Variants in SATB2 observed in about 807,000 individuals in gnomAD.
SATB2 encodes the protein DNA-binding protein SATB2.
SATB2 carries 1 observed loss-of-function variant against 73.4 expected under a neutral mutation model. The ratio of observed to expected loss-of-function variants is 0.01; its 90% CI spans 0.00 to 0.06. SATB2 has a LOEUF of 0.06. SATB2 is among the 10% of genes least tolerant of loss of function. The pLI is 1.00. For synonymous variants in SATB2, 397 were observed against 367.0 expected (o/e 1.08, Z -0.93); for missense variants, 459 against 945.8 (o/e 0.49, Z 6.75).
chr2:199,342,815 AT>A (rs1049106666), intron 7 of SATB2, among the ~76,000 whole-genome samples: 5 of 152,202 alleles, frequency 3.3e-5, no homozygotes, highest in African/African-American at 9.6e-5. Context: ...AAACAAATAC[AT>A]TTTATATTCT....
At chr2:199,409,165 T>C (rs2105900927) in intron 3 of SATB2, among the ~76,000 whole-genome samples, 1 of 139,866 alleles carries the variant, frequency 7.1e-6, no homozygotes, top group Non-Finnish European at 1.6e-5. Flanking sequence ...CTTTTTTCTT[T>C]TCTTTTTTTT....
At position 199,455,759 on chromosome 2, in the gene SATB2, T is replaced by TC. The variant is rs1465583605; in HGVS notation, c.169+109dup. On this transcript the variant is annotated intron_variant, in intron 2 of 10. Transcript: ENST00000417098. The surrounding 1 kb of genome is among the most constrained non-coding windows in gnomAD (Gnocchi z 4.1). The stretch of plus-strand genomic sequence containing the variant: ...GGGGCATTATTTGGCAACCTGGAAT[T>TC]CACTTCCTGTAATCCTACACCGCGA... The TC allele has an allele frequency of 2.4e-6, 3 of 1,255,028 alleles. No individual in the cohort carries two copies. The African/African-American group carries it at 4.5e-5, about 19-fold the overall frequency. 77.7% of individuals were successfully genotyped at this position (1,255,028 alleles called of 1,614,324 possible).
At chr2:199,286,556 C>T (rs181637197) in intron 10 of SATB2, among the ~76,000 whole-genome samples, 12 of 152,268 alleles carry the variant, frequency 7.9e-5, no homozygotes, top group Non-Finnish European at 1.3e-4. Flanking sequence ...CGGGCTATGA[C>T]CATGTGTCCT....
intron 2 of SATB2, among the ~76,000 whole-genome samples, chr2:199,453,024 T>G (rs1692174605): frequency 6.6e-6 from 1 of 152,078 alleles, no homozygotes; most frequent in South Asian, 2.1e-4. Flanking sequence ...TACCCTCTCT[T>G]CTATTTAAAT....
chr2:199,438,844 A>C (rs188777813), intron 2 of SATB2, among the ~76,000 whole-genome samples: 1 of 152,368 alleles, frequency 6.6e-6, no homozygotes, highest in East Asian at 1.9e-4. Context: ...CAGTTAATAA[A>C]TTAGGAAACT....
upstream of SATB2, chr2:199,458,738 G>A (rs1220029208): frequency 7.1e-6 from 3 of 425,342 alleles, no homozygotes; most frequent in African/African-American, 2.2e-5. Flanking sequence ...GAGATAGGAG[G>A]GCGATCGCCT....
intron 7 of SATB2, chr2:199,347,666 G>A (rs777264998): frequency 1.3e-5 from 2 of 152,030 alleles, no homozygotes; most frequent in Non-Finnish European, 1.5e-5. Context: ...TCATTCTCCT[G>A]GAAGTATTCC....
chr2:199,308,752 A>T lies in SATB2; in HGVS notation c.1740+8T>A. The T allele has an allele frequency of 6.2e-7, 1 of 1,613,244 alleles. No homozygotes were observed. Among genetic ancestry groups the T allele is most frequent in the South Asian group, 1.1e-5 (1 of 91,058 alleles). On this transcript the variant is annotated splice_region_variant and intron_variant, in intron 10 of 10. Transcript: ENST00000417098. The surrounding 1 kb of genome is among the most constrained non-coding windows in gnomAD (Gnocchi z 4.6). ...ATCAGGTGGGGTACGGCGGTCGGGG[A>T]CACTGACCTGCACCGGCTCAGGGGG...
chr2:199,451,014 C>G (rs560268452), intron 2 of SATB2, among the ~76,000 whole-genome samples: 2 of 151,824 alleles, frequency 1.3e-5, no homozygotes, highest in East Asian at 3.9e-4. Flanking sequence ...GGTTACAACC[C>G]TCTGGGAAAG....
Position 199,272,721 on chromosome 2 carries a change from T to C in SATB2, c.1741-49A>G. On this transcript the variant is annotated intron_variant, in intron 10 of 10. Transcript: ENST00000417098. The surrounding 1 kb of genome is among the most constrained non-coding windows in gnomAD (Gnocchi z 6.7). ...TGAACACTGGACTCATGATTTTACC[T>C]TTCCAAAACCATCAGCCCTCTGAAA... 1 of 1,529,484 alleles carries C rather than the reference T, an allele frequency of 6.5e-7. No homozygotes were observed. Among genetic ancestry groups the C allele is most frequent in the Non-Finnish European group, 9.1e-7 (1 of 1,103,246 alleles). 94.7% of individuals were successfully genotyped at this position (1,529,484 alleles called of 1,614,324 possible). A position where few individuals can be genotyped will look rare whatever the true frequency, so the allele number is the denominator to read the frequency against.
In SATB2 at chr2:199,308,583, CACACAT is replaced by C. The variant is rs1001537911; in HGVS notation, c.1740+171_1740+176del. ...ACACACGCACGCACATGCACACACA[CACACAT>C]ACACATACACACAGTACCCACTGTG... is the stretch of plus-strand genomic sequence containing the variant. On this transcript the variant is annotated intron_variant, in intron 10 of 10. Coordinates refer to ENST00000417098, the MANE Select transcript of SATB2 (RefSeq NM_001172509.2). The surrounding 1 kb of genome is among the most constrained non-coding windows in gnomAD (Gnocchi z 4.6). Among the ~76,000 whole-genome samples, 12 of 151,714 alleles carry C rather than the reference CACACAT, an allele frequency of 7.9e-5. No homozygotes were observed. The highest frequency in any genetic ancestry group is 2.7e-4 in the African/African-American group (11 of 41,174).
At chr2:199,381,443 T>TG (rs1311810200) in intron 4 of SATB2, among the ~76,000 whole-genome samples, 1 of 152,182 alleles carries the variant, frequency 6.6e-6, no homozygotes, top group African/African-American at 2.4e-5. Flanking sequence ...TTTAATGATT[T>TG]GTCAAGCCGC....
intron 6 of SATB2, among the ~76,000 whole-genome samples, chr2:199,351,431 G>A (rs1482882483): frequency 1.3e-5 from 2 of 152,118 alleles, no homozygotes; most frequent in Non-Finnish European, 1.5e-5. Flanking sequence ...ACCAGCCATT[G>A]CACCCAGCCT....
At chr2:199,379,424 T>C (rs537417484) in intron 5 of SATB2, among the ~76,000 whole-genome samples, 10 of 152,288 alleles carry the variant, frequency 6.6e-5, no homozygotes, top group East Asian at 5.8e-4. Flanking sequence ...AAATCATGCA[T>C]AGATGGATTT....
At chr2:199,380,531 G>C in intron 4 of SATB2, 44 bp from the exon 5 acceptor site, 1 of 1,603,646 alleles carries the variant, frequency 6.2e-7, no homozygotes, top group Admixed American at 1.7e-5. Flanking sequence ...ACCTCAACCA[G>C]GGTCCCTGAC....
At chr2:199,428,096 T>C (rs1353021464) in intron 3 of SATB2, among the ~76,000 whole-genome samples, 2 of 152,156 alleles carry the variant, frequency 1.3e-5, no homozygotes, top group African/African-American at 2.4e-5. Flanking sequence ...ATTTGTAAGT[T>C]TGATAAGAAA....
At chr2:199,366,927 C>A (rs202111372) in intron 6 of SATB2, among the ~76,000 whole-genome samples, 2 of 129,060 alleles carry the variant, frequency 1.5e-5, no homozygotes, top group African/African-American at 5.3e-5. Flanking sequence ...CACACAAACA[C>A]ACACACACAT....
At chr2:199,300,734 A>C (rs1193334616) in intron 10 of SATB2, among the ~76,000 whole-genome samples, 3 of 152,096 alleles carry the variant, frequency 2.0e-5, no homozygotes, top group Non-Finnish European at 4.4e-5. Flanking sequence ...GCCCTTCAAA[A>C]ATGCAGAATA....
intron 10 of SATB2, among the ~76,000 whole-genome samples, chr2:199,273,464 T>C (rs1559136577): frequency 1.3e-5 from 2 of 152,214 alleles, no homozygotes; most frequent in African/African-American, 2.4e-5. Context: ...TACAGTGTTA[T>C]AGAGGAATAA....
Sources: allele counts gnomAD v4.1 joint callset (sites outside exome capture counted in the v4.1 genomes callset), GRCh38; gene constraint gnomAD v4.1.1; non-coding constraint Gnocchi (gnomAD v3.1); transcripts MANE v1.5; gene names NCBI Gene and HGNC (gene_info 2026-07-23, HGNC 2026-07-21).